The following CNTNAP3B variants were observed in gnomAD, a reference collection of about 807,000 sequenced individuals.
CNTNAP3B encodes contactin associated protein family member 3B.
CNTNAP3B carries 25 observed loss-of-function variants against 108.9 expected under a neutral mutation model. The observed-to-expected ratio is 0.23, with a 90% confidence interval of 0.17 to 0.32. The LOEUF is 0.32. Among genes scored for constraint, CNTNAP3B ranks in the 10% least tolerant of loss-of-function variants. CNTNAP3B has a pLI of 1.00. For missense variants in CNTNAP3B, 252 were observed against 1,210.4 expected (o/e 0.21, Z 11.75); for synonymous variants, 103 against 473.4 (o/e 0.22, Z 10.16).
At position 42,066,493 on chromosome 9, in the gene CNTNAP3B, C is replaced by G. The variant is rs1437247522; in HGVS notation, c.390+10376G>C. Among the ~76,000 whole-genome samples the G allele has an allele frequency of 3.7e-4, 39 of 105,634 alleles. 4 individuals are homozygous for G. Among genetic ancestry groups the G allele is most frequent in the African/African-American group, 1.5e-3 (38 of 25,278 alleles). The allele number at this position is 105,634 out of a possible 152,430, so 69.3% of individuals were successfully genotyped here. A position where few individuals can be genotyped will look rare whatever the true frequency, so the allele number is the denominator to read the frequency against. On this transcript the variant is annotated intron_variant, in intron 3 of 23. Coordinates refer to ENST00000377561, the MANE Select transcript of CNTNAP3B (RefSeq NM_001201380.3). ...CCAGGTTAGAGAGCAGTGGCATGAT[C>G]TCGGCTCACCACAACCTCTGCCTCC...
chr9:41,926,280 T>C lies in CNTNAP3B; in HGVS notation c.2366-2187A>G, dbSNP rs555353421. ...ACCTAGCTTCTAACCCAGTGGTCATTCCTTGACCCTATCCCTGCAGATCCC... is the reference window on the plus strand; with the variant it reads ...ACCTAGCTTCTAACCCAGTGGTCATCCCTTGACCCTATCCCTGCAGATCCC... On this transcript the variant is annotated intron_variant, in intron 15 of 23. Transcript: ENST00000377561. Among the ~76,000 whole-genome samples, 13 of 152,220 alleles carry C rather than the reference T, an allele frequency of 8.5e-5. No individual in the cohort carries two copies. In the East Asian group the frequency reaches 1.3e-3, roughly 16 times the overall value.
chr9:41,953,516 G>A (rs1824763418), intron 12 of CNTNAP3B, 130 bp from the exon 13 acceptor site: 21 of 983,580 alleles, frequency 2.1e-5, no homozygotes, highest in Non-Finnish European at 3.0e-5. Flanking sequence ...CGCGATTTGA[G>A]GAGTTGGACC....
At chr9:41,925,003 C>T (rs1214145217) in intron 15 of CNTNAP3B, among the ~76,000 whole-genome samples, 1 of 151,682 alleles carries the variant, frequency 6.6e-6, no homozygotes, top group African/African-American at 2.4e-5. Context: ...TGTGTCGCAG[C>T]AGCAGGCAGC....
intron 1 of CNTNAP3B, among the ~76,000 whole-genome samples, chr9:42,122,229 G>A (rs1828478246): frequency 7.2e-6 from 1 of 139,694 alleles, no homozygotes; most frequent in South Asian, 2.3e-4. Flanking sequence ...GTTATTCACA[G>A]TATCTCAAAA....
chr9:41,954,380 C>T (rs1286607851), intron 12 of CNTNAP3B, among the ~76,000 whole-genome samples: 5 of 152,240 alleles, frequency 3.3e-5, no homozygotes, highest in African/African-American at 1.2e-4. Flanking sequence ...AATTTCACAG[C>T]CTTACTGTTA....
At chr9:41,995,421 C>G (rs957522495) in intron 7 of CNTNAP3B, among the ~76,000 whole-genome samples, 1 of 99,548 alleles carries the variant, frequency 1.0e-5, no homozygotes, top group Non-Finnish European at 2.0e-5. Context: ...GCCTGGGCAA[C>G]AGAGCAAGAC....
At chr9:41,967,479 C>T (rs1231065594) in intron 10 of CNTNAP3B, among the ~76,000 whole-genome samples, 2 of 152,158 alleles carry the variant, frequency 1.3e-5, no homozygotes, top group Non-Finnish European at 2.9e-5. Flanking sequence ...TTTATAATTA[C>T]CCAGTCTTGG....
rs542010709 is a variant in CNTNAP3B at position 42,028,634 on chromosome 9, CAGAA to C, written c.391-15113_391-15110del. ...TCCATTTCAATGTTGAGAAACAATC[CAGAA>C]AGAGTGAATGATAACCATCCCCATT... On this transcript the variant is annotated intron_variant, in intron 3 of 23. Coordinates refer to ENST00000377561, the MANE Select transcript of CNTNAP3B (RefSeq NM_001201380.3). Among the ~76,000 whole-genome samples, 53 of 148,362 alleles carry C rather than the reference CAGAA, an allele frequency of 3.6e-4. No homozygotes were observed. In the South Asian group the frequency reaches 0.011, roughly 30 times the overall value.
At chr9:41,968,039 A>G (rs1425816730) in intron 10 of CNTNAP3B, among the ~76,000 whole-genome samples, 1 of 152,258 alleles carries the variant, frequency 6.6e-6, no homozygotes, top group Non-Finnish European at 1.5e-5. Context: ...CTTTAAGGTT[A>G]AAACAAAACA....
rs1446470163 is a variant in CNTNAP3B, at chr9:42,124,053, G to A, written c.85+4957C>T. ...GCCCAGGCAATACATACTAGACCAC[G>A]TCTTCTTGGTAATTTAATTCTTAGC... On this transcript the variant is annotated intron_variant, in intron 1 of 23. Coordinates refer to ENST00000377561, the MANE Select transcript of CNTNAP3B (RefSeq NM_001201380.3). Among the ~76,000 whole-genome samples the A allele has an allele frequency of 1.4e-4, 19 of 136,174 alleles. 3 individuals are homozygous for A. The South Asian group carries it at 1.9e-3, about 14-fold the overall frequency. The allele number at this position is 136,174 out of a possible 152,430, so 89.3% of individuals were successfully genotyped here. A position where few individuals can be genotyped will look rare whatever the true frequency, so the allele number is the denominator to read the frequency against.
intron 9 of CNTNAP3B, chr9:41,983,156 T>A (rs2118318478): frequency 7.3e-6 from 1 of 136,948 alleles, no homozygotes; most frequent in East Asian, 2.2e-4. Context: ...AATTTACCTA[T>A]ATAACAAACC....
chr9:42,109,746 G>A (rs1423260666), intron 1 of CNTNAP3B, among the ~76,000 whole-genome samples: 23 of 138,500 alleles, frequency 1.7e-4, no homozygotes, highest in Non-Finnish European at 2.8e-4. Context: ...CCCCAATCCC[G>A]GGACCCTGTG....
At chr9:41,936,416 C>A (rs1202113301) in intron 14 of CNTNAP3B, among the ~76,000 whole-genome samples, 6,773 of 135,956 alleles carry the variant, frequency 0.05, no homozygotes, top group South Asian at 0.072. Context: ...TGGGGACAGA[C>A]CAATGAGCTG....
intron 13 of CNTNAP3B, among the ~76,000 whole-genome samples, chr9:41,945,814 C>G (rs1411908666): frequency 1.3e-5 from 2 of 152,218 alleles, no homozygotes; most frequent in Admixed American, 6.5e-5. Flanking sequence ...AACAACAAAA[C>G]CCATGATCCA....
intron 10 of CNTNAP3B, among the ~76,000 whole-genome samples, chr9:41,969,156 C>T (rs1564163280): frequency 1.3e-5 from 2 of 152,098 alleles, no homozygotes; most frequent in South Asian, 2.1e-4. Context: ...AAGTAAATAC[C>T]AAATGTACTG....
intron 7 of CNTNAP3B, chr9:41,994,058 A>C (rs2118362181): frequency 7.2e-6 from 1 of 138,518 alleles, no homozygotes; most frequent in Non-Finnish European, 1.5e-5. Context: ...GTAATTCAGA[A>C]TAACATGGAA....
chr9:42,099,044 A>C lies in CNTNAP3B; in HGVS notation c.196+5585T>G, dbSNP rs1198085990. Among the ~76,000 whole-genome samples, 2 of 138,656 alleles carry C rather than the reference A, an allele frequency of 1.4e-5. 1 individual carries two copies. Among genetic ancestry groups the C allele is most frequent in the Non-Finnish European group, 3.1e-5 (2 of 64,832 alleles). 91.0% of individuals were successfully genotyped at this position (138,656 alleles called of 152,430 possible). ...GTTTCCCTGCTTTACTCTTTTCCTAAGAAATCAGTACCTGAGCTTTTTCAA... is the reference window on the plus strand; with the variant it reads ...GTTTCCCTGCTTTACTCTTTTCCTACGAAATCAGTACCTGAGCTTTTTCAA... On this transcript the variant is annotated intron_variant, in intron 2 of 23. Coordinates refer to ENST00000377561, the MANE Select transcript of CNTNAP3B (RefSeq NM_001201380.3).
chr9:41,924,439 G>T (rs1396218428), intron 15 of CNTNAP3B, among the ~76,000 whole-genome samples: 1 of 152,302 alleles, frequency 6.6e-6, no homozygotes, highest in Non-Finnish European at 1.5e-5. Context: ...GGTAAGATGT[G>T]AGAAGAAGGG....
In CNTNAP3B at chr9:41,947,188, C is replaced by G. The variant is rs1289446258; in HGVS notation, c.2080+5995G>C. ...CTCATTGAAATACATACAGAATACTCCACTTAAGAATAGCAGAATATACAT... is the reference window on the plus strand; with the variant it reads ...CTCATTGAAATACATACAGAATACTGCACTTAAGAATAGCAGAATATACAT... On this transcript the variant is annotated intron_variant, in intron 13 of 23. Coordinates refer to ENST00000377561, the MANE Select transcript of CNTNAP3B (RefSeq NM_001201380.3). 2.0e-5 allele frequency among the ~76,000 whole-genome samples: 3 copies of G among 149,644 alleles called. No homozygotes were observed. In the South Asian group the frequency reaches 6.3e-4, roughly 32 times the overall value.
Sources: allele counts gnomAD v4.1 joint callset (sites outside exome capture counted in the v4.1 genomes callset), GRCh38; gene constraint gnomAD v4.1.1; transcripts MANE v1.5; gene names NCBI Gene and HGNC (gene_info 2026-07-23, HGNC 2026-07-21).